Variants in ERCC6L2 observed in about 807,000 individuals in gnomAD.
The protein encoded by ERCC6L2 is ERCC excision repair 6 like 2, also known as DNA excision repair protein ERCC-6-like 2.
ERCC6L2 carries 77 observed loss-of-function variants against 132.0 expected under a neutral mutation model. The ratio of observed to expected loss-of-function variants is 0.58; its 90% CI spans 0.49 to 0.71. The LOEUF (loss-of-function observed/expected upper bound fraction) is 0.71. Among genes scored for constraint, ERCC6L2 ranks in the 30% least tolerant of loss-of-function variants. The pLI is 0.00. For missense variants in ERCC6L2, 1,542 were observed against 1,837.6 expected, an observed-to-expected ratio of 0.84 and a Z score of 2.94; for synonymous variants, 583 against 632.4, an observed-to-expected ratio of 0.92 and a Z score of 1.17.
At chr9:95,987,981 C>G (rs1009602437) in intron 17 of ERCC6L2, among the ~76,000 whole-genome samples, 9 of 152,188 alleles carry the variant, frequency 5.9e-5, no homozygotes, top group African/African-American at 2.2e-4. Context: ...TGGGGCTTGC[C>G]CTCTCTGAAG....
intron 13 of ERCC6L2, among the ~76,000 whole-genome samples, chr9:95,960,469 C>G (rs1466281361): frequency 6.6e-6 from 1 of 152,064 alleles, no homozygotes; most frequent in Admixed American, 6.6e-5. Flanking sequence ...CTTGGATTAT[C>G]CACAAGTGTC....
At chr9:95,897,449 T>A (rs1261519929) in intron 2 of ERCC6L2, among the ~76,000 whole-genome samples, 1 of 152,158 alleles carries the variant, frequency 6.6e-6, no homozygotes, top group Non-Finnish European at 1.5e-5. Context: ...GTGTACAAAT[T>A]TATGGGCCAA....
chr9:95,962,253 G>T (rs545406001), intron 13 of ERCC6L2, among the ~76,000 whole-genome samples: 5 of 152,142 alleles, frequency 3.3e-5, no homozygotes, highest in East Asian at 1.9e-4. Flanking sequence ...AGGTGTTTTG[G>T]GGGGGTTGGG....
intron 17 of ERCC6L2, among the ~76,000 whole-genome samples, chr9:95,997,769 G>A (rs1438797452): frequency 1.3e-5 from 2 of 152,152 alleles, no homozygotes; most frequent in African/African-American, 4.8e-5. Context: ...TGTTGCCACA[G>A]TGTCATGACT....
chr9:96,038,742 G>A (rs1834547071), intron 19 of ERCC6L2: 2 of 403,748 alleles, frequency 5.0e-6, no homozygotes, highest in Non-Finnish European at 1.0e-5. Context: ...AAATGTGTCT[G>A]CAGATTCTTT....
chr9:95,923,125 T>A, intron 8 of ERCC6L2, 135 bp from the exon 9 acceptor site: 1 of 991,616 alleles, frequency 1.0e-6, no homozygotes, highest in Non-Finnish European at 1.4e-6. Flanking sequence ...GAATTCTTAG[T>A]CTGACTTAGG....
At chr9:95,885,733 A>G (rs778977471) in intron 2 of ERCC6L2, among the ~76,000 whole-genome samples, 1 of 152,144 alleles carries the variant, frequency 6.6e-6, no homozygotes, top group Non-Finnish European at 1.5e-5. Context: ...TCTAAAGTGG[A>G]TATTTGGGTC....
rs184817706 is a variant in ERCC6L2 at position 95,967,024 on chromosome 9, C to T, written c.2100+310C>T. ...TGAAAACAGCTGCTGAAGTCAGGAA[C>T]TAAAAAAAGAGGTTTTCCTAAATAA... is the stretch of plus-strand genomic sequence containing the variant. On this transcript the variant is annotated intron_variant, in intron 14 of 18. Coordinates refer to ENST00000653738, the MANE Select transcript of ERCC6L2 (RefSeq NM_020207.7). 438 of 193,022 alleles carry T rather than the reference C, an allele frequency of 2.3e-3. 1 individual carries two copies. Among genetic ancestry groups the T allele is most frequent in the Non-Finnish European group, 3.6e-3 (349 of 95,966 alleles). 12.0% of individuals were successfully genotyped at this position (193,022 alleles called of 1,614,324 possible).
chr9:95,915,917 G>A (rs1454462514), intron 5 of ERCC6L2, 88 bp downstream of exon 5: 7 of 1,294,986 alleles, frequency 5.4e-6, no homozygotes, highest in South Asian at 3.0e-5. Context: ...CCAAACAAAC[G>A]AAACAGTCAT....
At chr9:96,033,392 G>A (rs1382903704) in intron 19 of ERCC6L2, among the ~76,000 whole-genome samples, 1 of 152,096 alleles carries the variant, frequency 6.6e-6, no homozygotes, top group Non-Finnish European at 1.5e-5. Flanking sequence ...TGACAGGCAC[G>A]CGCCACCATG....
chr9:95,956,920 A>G (rs964450179), intron 13 of ERCC6L2, among the ~76,000 whole-genome samples: 11 of 152,134 alleles, frequency 7.2e-5, no homozygotes, highest in Non-Finnish European at 1.6e-4. Context: ...ATATGTTACC[A>G]TTTTCTACAT....
rs756942060 is a variant in ERCC6L2 at position 95,881,049 on chromosome 9, A to G, written c.227A>G (p.Lys76Arg). 1 of 1,614,006 alleles carries G rather than the reference A, an allele frequency of 6.2e-7. No homozygotes were observed. Among genetic ancestry groups the G allele is most frequent in the South Asian group, 1.1e-5 (1 of 91,078 alleles). The change falls in exon 2 of 19, where the codon AAA becomes AGA. Residue 76 changes from lysine to arginine, a missense_variant. Lys to Arg is a conservative substitution (Grantham distance 26). Around this residue, in one of 4 missense-constraint regions of ERCC6L2, gnomAD observed 153 missense variants for 132.3 expected, o/e 1.16. Transcript: ENST00000653738. ...LKQLQEVKFV[K>R]DCPRNLIFDD... ...CAGCTTCAAGAAGTGAAATTTGTTA[A>G]AGATTGCCCTAGGAATCTTATATTT...
Position 95,966,625 on chromosome 9 carries a change from T to C in ERCC6L2, c.2011T>C (p.Ser671Pro), listed in dbSNP as rs1290612256. The change falls in exon 14 of 19, where the codon TCT (serine) becomes CCT (proline). Residue 671 changes from serine to proline, a missense_variant. This residue lies in a region of ERCC6L2 where 945 missense variants were observed against 1,105.2 expected (regional missense o/e 0.86). Transcript: ENST00000653738. ...AKRYFEAVQG[S>P]KEHQGELFGI... ...ACGATATTTTGAAGCAGTTCAAGGATCTAAAGAGCATCAAGGAGAGCTTTT... is the reference window on the plus strand; with the variant it reads ...ACGATATTTTGAAGCAGTTCAAGGACCTAAAGAGCATCAAGGAGAGCTTTT... 6.5e-7 allele frequency: 1 copy of C among 1,547,264 alleles called. No individual in the cohort carries two copies. Among genetic ancestry groups the C allele is most frequent in the South Asian group, 1.2e-5 (1 of 81,652 alleles).
rs762803546 is a variant in ERCC6L2, at chr9:95,921,213, C to T, written c.1197C>T (p.Val399=). 1.9e-6 allele frequency: 3 copies of T among 1,613,048 alleles called. No homozygotes were observed. The South Asian group carries it at 3.3e-5, about 18-fold the overall frequency. Residue 399 remains valine, a synonymous_variant, in exon 7 of 19, where the codon GTC becomes GTT. Transcript: ENST00000653738. ...YCSLTDFQKA[V]YQTVLETEDV... The stretch of plus-strand genomic sequence containing the variant: ...CTTTGACAGATTTCCAGAAAGCTGT[C>T]TATCAAACAGTGTTAGAAACAGAGG...
At chr9:95,885,058 T>A (rs1215771193) in intron 2 of ERCC6L2, among the ~76,000 whole-genome samples, 1 of 152,112 alleles carries the variant, frequency 6.6e-6, no homozygotes. Context: ...AACATACATA[T>A]GCAAAAAATG....
chr9:95,925,007 A>G (rs2132765935), intron 9 of ERCC6L2, among the ~76,000 whole-genome samples: 1 of 152,340 alleles, frequency 6.6e-6, no homozygotes, highest in South Asian at 2.1e-4. Context: ...CAGGCTTATC[A>G]TAGAATCATT....
chr9:95,930,849 G>A lies in ERCC6L2; in HGVS notation c.1751+1985G>A, dbSNP rs139652316. ...TTTGTAATGTGTGGTATTAGCATTA[G>A]CACACACCCACCCACCCTTCTACTT... On this transcript the variant is annotated intron_variant, in intron 11 of 18. Coordinates refer to ENST00000653738, the MANE Select transcript of ERCC6L2 (RefSeq NM_020207.7). 2.7e-3 allele frequency among the ~76,000 whole-genome samples: 413 copies of A among 152,116 alleles called. 1 individual carries two copies. Among genetic ancestry groups the A allele is most frequent in the African/African-American group, 9.6e-3 (397 of 41,506 alleles).
At chr9:95,963,795 A>G (rs556736568) in intron 13 of ERCC6L2, among the ~76,000 whole-genome samples, 20 of 152,156 alleles carry the variant, frequency 1.3e-4, no homozygotes, top group African/African-American at 4.3e-4. Flanking sequence ...GTCTAGGTCC[A>G]TTTGATGTTT....
In ERCC6L2 at chr9:95,973,035, A is replaced by T; in HGVS notation, c.3284A>T (p.Asn1095Ile). The change falls in exon 16 of 19, where the codon AAT (asparagine) becomes ATT (isoleucine). Residue 1095 changes from asparagine to isoleucine, a missense_variant. Asn to Ile is a moderately radical substitution (Grantham distance 149). This residue lies in a region of ERCC6L2 where 442 missense variants were observed against 583.4 expected (regional missense o/e 0.76). Coordinates refer to ENST00000653738, the MANE Select transcript of ERCC6L2 (RefSeq NM_020207.7). ...FIPRKPMKCS[N>I]EKVVNQEQSY... ...CCAAGAAAACCAATGAAATGTTCAA[A>T]TGAGAAAGTTGTTAATCAAGAGCAG... is the stretch of plus-strand genomic sequence containing the variant. 1 of 1,362,256 alleles carries T rather than the reference A, an allele frequency of 7.3e-7. No homozygotes were observed. The highest frequency in any genetic ancestry group is 9.8e-7 in the Non-Finnish European group (1 of 1,019,952). The allele number at this position is 1,362,256 out of a possible 1,614,324, so 84.4% of individuals were successfully genotyped here. A position where few individuals can be genotyped will look rare whatever the true frequency, so the allele number is the denominator to read the frequency against.
Sources: gnomAD v4.1 joint callset for allele counts (sites outside exome capture counted in the v4.1 genomes callset) on GRCh38, gnomAD v4.1.1 for gene constraint, gnomAD v4.1.1 regional missense constraint, MANE v1.5 for transcripts, NCBI Gene and HGNC (gene_info 2026-07-23, HGNC 2026-07-21) for gene names.